CADM2: variants seen among roughly 807,000 people sequenced by gnomAD.
The protein encoded by CADM2 is immunoglobulin superfamily member 4D.
Under a neutral mutation model 49.8 loss-of-function variants are expected in CADM2, and 12 were observed. The ratio of observed to expected loss-of-function variants is 0.24; its 90% confidence interval spans 0.15 to 0.39. The LOEUF (loss-of-function observed/expected upper bound fraction) is 0.39. Among genes scored for constraint, CADM2 ranks in the 10% least tolerant of loss-of-function variants. The pLI, the probability that CADM2 is intolerant of heterozygous loss-of-function variation, is 1.00. For missense variants in CADM2, 378 were observed against 492.3 expected (o/e 0.77, Z 2.20); for synonymous variants, 214 against 175.4 (o/e 1.22, Z -1.74).
intron 1 of CADM2, among the ~76,000 whole-genome samples, chr3:85,570,584 G>A (rs2062446118): frequency 6.6e-6 from 1 of 151,972 alleles, no homozygotes; most frequent in Non-Finnish European, 1.5e-5. Context: ...TCTTTTGTGA[G>A]CACAAAAATA....
intron 1 of CADM2, among the ~76,000 whole-genome samples, chr3:85,018,840 T>C (rs1473873898): frequency 6.6e-6 from 1 of 152,110 alleles, no homozygotes; most frequent in Non-Finnish European, 1.5e-5. Flanking sequence ...CTCCAAAATA[T>C]CAATGAATTA....
intron 1 of CADM2, among the ~76,000 whole-genome samples, chr3:85,249,332 A>G (rs1328415581): frequency 6.6e-6 from 1 of 152,136 alleles, no homozygotes; most frequent in African/African-American, 2.4e-5. Flanking sequence ...AACAATGTAA[A>G]GAAACTTACT....
chr3:85,889,531 A>G (rs186388510), intron 5 of CADM2, among the ~76,000 whole-genome samples: 43 of 152,294 alleles, frequency 2.8e-4, no homozygotes, highest in Non-Finnish European at 4.4e-5. Context: ...TATAAAATGA[A>G]GAGTATCAGT....
chr3:85,818,364 G>C (rs929729394), intron 3 of CADM2, among the ~76,000 whole-genome samples: 2 of 152,124 alleles, frequency 1.3e-5, no homozygotes, highest in Admixed American at 6.5e-5. Flanking sequence ...GGCTGCCTCT[G>C]AGTCTGTGCG....
At chr3:85,262,150 A>G (rs114278128) in intron 1 of CADM2, among the ~76,000 whole-genome samples, 5 of 152,254 alleles carry the variant, frequency 3.3e-5, no homozygotes, top group African/African-American at 1.2e-4. Flanking sequence ...GAACTATGAT[A>G]TTAAACCATA....
intron 1 of CADM2, among the ~76,000 whole-genome samples, chr3:85,168,734 T>C (rs2107680697): frequency 6.6e-6 from 1 of 152,292 alleles, no homozygotes; most frequent in East Asian, 1.9e-4. Flanking sequence ...TTAATAGACA[T>C]ATCTCACATT....
intron 1 of CADM2, among the ~76,000 whole-genome samples, chr3:85,652,072 C>T (rs2065060072): frequency 6.6e-6 from 1 of 151,382 alleles, no homozygotes; most frequent in Non-Finnish European, 1.5e-5. Context: ...CCACCTCAGC[C>T]TCCCAAAGTG....
intron 1 of CADM2, among the ~76,000 whole-genome samples, chr3:85,576,084 T>C (rs2062625575): frequency 6.6e-6 from 1 of 152,198 alleles, no homozygotes; most frequent in African/African-American, 2.4e-5. Context: ...CATTTCTATA[T>C]AGTGAATCAT....
intron 1 of CADM2, among the ~76,000 whole-genome samples, chr3:85,654,779 G>T (rs772055713): frequency 6.6e-6 from 1 of 152,066 alleles, no homozygotes. Context: ...AATTTTTTAT[G>T]TGCATAATCC....
At chr3:85,732,094 CAAAAAAA>C (rs3044020) in intron 2 of CADM2, among the ~76,000 whole-genome samples, 3 of 90,826 alleles carry the variant, frequency 3.3e-5, no homozygotes, top group African/African-American at 4.4e-5. Flanking sequence ...CTAAGAATAC[CAAAAAAA>C]AAAAAAAAAA....
At chr3:85,014,634 T>C (rs889395064) in intron 1 of CADM2, among the ~76,000 whole-genome samples, 2 of 152,100 alleles carry the variant, frequency 1.3e-5, no homozygotes, top group African/African-American at 4.8e-5. Context: ...CAGGTGCATG[T>C]TTGTTAGTGG....
intron 1 of CADM2, among the ~76,000 whole-genome samples, chr3:85,521,516 A>T (rs147014184): frequency 6.2e-4 from 95 of 152,262 alleles, no homozygotes; most frequent in African/African-American, 2.1e-3. Flanking sequence ...TGCTTTCATG[A>T]TTGTAAGCAT....
At chr3:85,648,851 T>C (rs951905712) in intron 1 of CADM2, among the ~76,000 whole-genome samples, 2 of 152,082 alleles carry the variant, frequency 1.3e-5, no homozygotes, top group Non-Finnish European at 1.5e-5. Flanking sequence ...TCTGTCAAAA[T>C]AGTCGTTTTG....
intron 1 of CADM2, among the ~76,000 whole-genome samples, chr3:85,017,837 T>A (rs9874302): frequency 0.24 from 36,228 of 152,234 alleles, 5,402 homozygotes; most frequent in Non-Finnish European, 0.34. Flanking sequence ...TCTTAATGAT[T>A]TTATTTTGTT....
At chr3:85,976,720 A>T (rs1726826597) in intron 8 of CADM2, among the ~76,000 whole-genome samples, 1 of 151,592 alleles carries the variant, frequency 6.6e-6, no homozygotes, top group African/African-American at 2.4e-5. Context: ...ACTTTCCACC[A>T]AATTACTTTC....
rs113619244 is a variant in CADM2, at chr3:85,165,116, A to C, written c.61+205448A>C. On this transcript the variant is annotated intron_variant, in intron 1 of 9. Coordinates refer to ENST00000383699, the MANE Select transcript of CADM2 (RefSeq NM_001167675.2). The stretch of plus-strand genomic sequence containing the variant: ...TAAGTTAATTTTTGGTATTAAATAT[A>C]ATTAATCATGACTGTAATAAGCTAT... Among the ~76,000 whole-genome samples, 988 of 151,918 alleles carry C rather than the reference A, an allele frequency of 6.5e-3. 15 individuals carry two copies. Among genetic ancestry groups the C allele is most frequent in the African/African-American group, 0.022 (921 of 41,442 alleles).
intron 5 of CADM2, among the ~76,000 whole-genome samples, chr3:85,904,865 T>A (rs1716580034): frequency 6.6e-6 from 1 of 152,184 alleles, no homozygotes; most frequent in Non-Finnish European, 1.5e-5. Flanking sequence ...ATAGATAAAA[T>A]CTGCACTTTT....
At chr3:85,232,399 A>G (rs538232557) in intron 1 of CADM2, among the ~76,000 whole-genome samples, 1 of 152,172 alleles carries the variant, frequency 6.6e-6, no homozygotes, top group Admixed American at 6.5e-5. Flanking sequence ...GTTTTCTCTG[A>G]GTTCTTATTT....
intron 6 of CADM2, among the ~76,000 whole-genome samples, chr3:85,919,777 G>T (rs1184663388): frequency 1.3e-5 from 2 of 151,604 alleles, no homozygotes; most frequent in Non-Finnish European, 3.0e-5. Flanking sequence ...GTACTTTTTT[G>T]TTACTTTTCT....
Sources: allele counts gnomAD v4.1 joint callset (sites outside exome capture counted in the v4.1 genomes callset), GRCh38; gene constraint gnomAD v4.1.1; transcripts MANE v1.5; gene names NCBI Gene and HGNC (gene_info 2026-07-23, HGNC 2026-07-21).